Variants in LRMDA observed in about 807,000 individuals in gnomAD.
The protein encoded by LRMDA is leucine rich melanocyte differentiation associated.
A neutral mutation model predicts 29.8 loss-of-function variants in LRMDA; 18 were observed. The observed-to-expected ratio is 0.60, with a 90% confidence interval of 0.42 to 0.90. The LOEUF (loss-of-function observed/expected upper bound fraction) is 0.90. LRMDA is among the 40% of genes least tolerant of loss of function. The pLI, the probability that LRMDA is intolerant of heterozygous loss-of-function variation, is 0.00. For synonymous variants in LRMDA, 125 were observed against 109.4 expected (o/e 1.14, Z -0.89); for missense variants, 273 against 273.9 (o/e 1.00, Z 0.02).
At chr10:75,466,817 C>G (rs1415274491) in intron 2 of LRMDA, among the ~76,000 whole-genome samples, 1 of 152,170 alleles carries the variant, frequency 6.6e-6, no homozygotes, top group African/African-American at 2.4e-5. Context: ...TCTCCCACCT[C>G]TAAACCCTCC....
intron 2 of LRMDA, among the ~76,000 whole-genome samples, chr10:75,901,053 T>G (rs1380873639): frequency 1.3e-5 from 2 of 152,042 alleles, no homozygotes; most frequent in East Asian, 3.9e-4. Flanking sequence ...AACAGACAAT[T>G]CAAGATAATG....
intron 6 of LRMDA, among the ~76,000 whole-genome samples, chr10:76,467,533 G>A (rs553867111): frequency 9.2e-5 from 14 of 152,308 alleles, no homozygotes; most frequent in Non-Finnish European, 1.8e-4. Context: ...AGTATTTATG[G>A]AGTGTAGCCT....
chr10:76,167,646 A>G (rs2395343), intron 5 of LRMDA, among the ~76,000 whole-genome samples: 28,858 of 152,040 alleles, frequency 0.19, 3,193 homozygotes, highest in East Asian at 0.52. Context: ...GGCTGTTTTC[A>G]TTACTGTAGC....
chr10:76,454,793 C>G (rs1289188908), intron 6 of LRMDA, among the ~76,000 whole-genome samples: 1 of 152,140 alleles, frequency 6.6e-6, no homozygotes, highest in Non-Finnish European at 1.5e-5. Flanking sequence ...CTGAGAAGGA[C>G]AAATTCTGAT....
chr10:76,072,040 CT>C (rs1175291088), intron 5 of LRMDA, among the ~76,000 whole-genome samples: 18 of 152,136 alleles, frequency 1.2e-4, no homozygotes, highest in Admixed American at 8.5e-4. Context: ...AAACATAAAC[CT>C]TAGAAAATAG....
intron 5 of LRMDA, among the ~76,000 whole-genome samples, chr10:76,215,922 T>C (rs1851720478): frequency 6.6e-6 from 1 of 152,172 alleles, no homozygotes; most frequent in Admixed American, 6.5e-5. Context: ...AATAACAATA[T>C]GACTTGCATA....
At chr10:75,614,414 A>G (rs776433268) in intron 2 of LRMDA, among the ~76,000 whole-genome samples, 4 of 152,168 alleles carry the variant, frequency 2.6e-5, no homozygotes, top group Non-Finnish European at 5.9e-5. Context: ...AATCACGGCC[A>G]TTAGTTTTTT....
At chr10:76,306,316 GTT>G (rs1441410235) in intron 5 of LRMDA, among the ~76,000 whole-genome samples, 1 of 152,252 alleles carries the variant, frequency 6.6e-6, no homozygotes, top group East Asian at 1.9e-4. Context: ...GCCCAGAAGA[GTT>G]TTAGCAGCCT....
intron 6 of LRMDA, among the ~76,000 whole-genome samples, chr10:76,509,474 T>C (rs191544196): frequency 2.4e-4 from 36 of 152,318 alleles, no homozygotes; most frequent in Admixed American, 1.7e-3. Context: ...TATAAGGACT[T>C]CCAGGCAACA....
At chr10:75,915,148 TTGAG>T (rs2132381644) in intron 2 of LRMDA, among the ~76,000 whole-genome samples, 1 of 100,100 alleles carries the variant, frequency 1.0e-5, no homozygotes, top group Non-Finnish European at 1.9e-5. Flanking sequence ...TTTTTTTTTT[TTGAG>T]ACAGAGTATT....
At chr10:75,648,789 A>G (rs1342508147) in intron 2 of LRMDA, among the ~76,000 whole-genome samples, 4 of 152,096 alleles carry the variant, frequency 2.6e-5, no homozygotes, top group African/African-American at 9.7e-5. Context: ...AATGCCTAAC[A>G]TGTGTTAGGG....
At chr10:75,443,735 A>G (rs1040168297) in intron 2 of LRMDA, among the ~76,000 whole-genome samples, 3 of 152,150 alleles carry the variant, frequency 2.0e-5, no homozygotes, top group Non-Finnish European at 4.4e-5. Flanking sequence ...CTACTCTCCA[A>G]TTTTTTGTAA....
chr10:76,263,917 T>G (rs28538720), intron 5 of LRMDA, among the ~76,000 whole-genome samples: 1 of 152,094 alleles, frequency 6.6e-6, no homozygotes, highest in Non-Finnish European at 1.5e-5. Flanking sequence ...AAACTCTGCC[T>G]TCATAATAAT....
intron 2 of LRMDA, among the ~76,000 whole-genome samples, chr10:75,641,522 CAG>C (rs1415169463): frequency 6.6e-6 from 1 of 151,898 alleles, no homozygotes; most frequent in Admixed American, 6.6e-5. Context: ...TTTTTAAAGA[CAG>C]AGTCTCGCTG....
chr10:75,760,943 CAA>C (rs1443316876), intron 2 of LRMDA, among the ~76,000 whole-genome samples: 1 of 152,072 alleles, frequency 6.6e-6, no homozygotes, highest in African/African-American at 2.4e-5. Flanking sequence ...CTGCCTTCAA[CAA>C]GAGAATGAGA....
At chr10:75,880,658 T>G (rs965397444) in intron 2 of LRMDA, among the ~76,000 whole-genome samples, 14 of 152,192 alleles carry the variant, frequency 9.2e-5, no homozygotes, top group African/African-American at 3.4e-4. Flanking sequence ...GTGTTACACT[T>G]TGGGGCAGGG....
At chr10:76,229,823 T>C (rs1852026806) in intron 5 of LRMDA, among the ~76,000 whole-genome samples, 1 of 152,122 alleles carries the variant, frequency 6.6e-6, no homozygotes, top group Admixed American at 6.5e-5. Context: ...AACCTGGGTG[T>C]GTTTACTGAA....
At chr10:75,691,149 TATATACATAGATATATAGATCTATATATC>T (rs1842148073) in intron 2 of LRMDA, among the ~76,000 whole-genome samples, 1 of 100,308 alleles carries the variant, frequency 1.0e-5, no homozygotes, top group Admixed American at 8.8e-5. Context: ...TCTATATATC[TATATACATAGATATATAGATCTATATATC>T]TATGTACATA....
intron 2 of LRMDA, among the ~76,000 whole-genome samples, chr10:75,592,355 C>T (rs1840733611): frequency 6.6e-6 from 1 of 152,200 alleles, no homozygotes. Context: ...TTCTTCTTCT[C>T]ACTTTAGGGC....
Sources: gnomAD v4.1 joint callset for allele counts (sites outside exome capture counted in the v4.1 genomes callset) on GRCh38, gnomAD v4.1.1 for gene constraint, MANE v1.5 for transcripts, NCBI Gene and HGNC (gene_info 2026-07-23, HGNC 2026-07-21) for gene names.